Variants in GRID1 observed in about 807,000 individuals in gnomAD.
GRID1 encodes glutamate receptor ionotropic, delta-1.
In GRID1, 28 loss-of-function variants were observed where a neutral mutation model predicts 98.0. The observed-to-expected ratio is 0.29, with a 90% confidence interval of 0.21 to 0.39. The LOEUF (loss-of-function observed/expected upper bound fraction) is 0.39, where lower values mean the gene tolerates loss of function less well. Among genes scored for constraint, GRID1 ranks in the 10% least tolerant of loss-of-function variants. The pLI, the probability that GRID1 is intolerant of heterozygous loss-of-function variation, is 1.00. For missense variants in GRID1, 1,111 were observed against 1,340.5 expected, an observed-to-expected ratio of 0.83 and a Z score of 2.67; for synonymous variants, 553 against 538.5, an observed-to-expected ratio of 1.03 and a Z score of -0.37.
chr10:86,335,649 A>G (rs772772845), intron 2 of GRID1, among the ~76,000 whole-genome samples: 1 of 152,108 alleles, frequency 6.6e-6, no homozygotes, highest in East Asian at 1.9e-4. Flanking sequence ...GAAGAAACAC[A>G]CTCATGAGGT....
chr10:85,766,946 G>T (rs1301079935), intron 8 of GRID1, among the ~76,000 whole-genome samples: 1 of 152,044 alleles, frequency 6.6e-6, no homozygotes, highest in African/African-American at 2.4e-5. Context: ...GCCTGGATCT[G>T]CCCTGCCTGT....
chr10:85,737,246 C>G (rs1841891988), intron 8 of GRID1, among the ~76,000 whole-genome samples: 2 of 151,966 alleles, frequency 1.3e-5, no homozygotes, highest in African/African-American at 4.8e-5. Flanking sequence ...GTCCAGAGGA[C>G]AGAGCTGTAA....
chr10:86,075,406 A>G (rs1252180865), intron 4 of GRID1, among the ~76,000 whole-genome samples: 1 of 150,622 alleles, frequency 6.6e-6, no homozygotes, highest in Non-Finnish European at 1.5e-5. Context: ...GCCACAAGCC[A>G]AGGAAGGCCA....
intron 2 of GRID1, among the ~76,000 whole-genome samples, chr10:86,220,385 T>C (rs1279976885): frequency 6.6e-6 from 1 of 152,192 alleles, no homozygotes; most frequent in African/African-American, 2.4e-5. Flanking sequence ...ACCTGCTCCA[T>C]GCCCTACCCT....
chr10:85,790,715 C>T (rs1193446890), intron 8 of GRID1, among the ~76,000 whole-genome samples: 1 of 152,182 alleles, frequency 6.6e-6, no homozygotes, highest in Non-Finnish European at 1.5e-5. Flanking sequence ...TGAGAATGGT[C>T]ACCTCCCTGC....
Position 85,961,470 on chromosome 10 carries a change from G to A in GRID1, c.727-45231C>T, listed in dbSNP as rs1000552543. Among the ~76,000 whole-genome samples, 9 of 152,202 alleles carry A rather than the reference G, an allele frequency of 5.9e-5. No homozygotes were observed. In the East Asian group the frequency reaches 1.7e-3, roughly 29 times the overall value. ...TGAGGCAAACGAAATCAACTGGCTT[G>A]TGTCCAAAGACCTCAGGACCCACCA... On this transcript the variant is annotated intron_variant, in intron 4 of 15. Transcript: ENST00000327946.
chr10:85,943,397 G>C (rs1842018858), intron 4 of GRID1, among the ~76,000 whole-genome samples: 1 of 151,606 alleles, frequency 6.6e-6, no homozygotes, highest in African/African-American at 2.4e-5. Context: ...ATACTGGGAG[G>C]GAAAAAAATA....
chr10:86,014,743 C>T (rs1291821094), intron 4 of GRID1, among the ~76,000 whole-genome samples: 1 of 152,224 alleles, frequency 6.6e-6, no homozygotes, highest in Non-Finnish European at 1.5e-5. Context: ...TTAAAAGGAG[C>T]AAGTTTTCAG....
At chr10:85,644,863 T>C (rs896078915) in intron 13 of GRID1, among the ~76,000 whole-genome samples, 2 of 152,230 alleles carry the variant, frequency 1.3e-5, no homozygotes, top group South Asian at 4.1e-4. Flanking sequence ...TGTAAAATGA[T>C]ATAATCTTTA....
At chr10:85,869,677 T>A (rs530850421) in intron 5 of GRID1, among the ~76,000 whole-genome samples, 4 of 152,344 alleles carry the variant, frequency 2.6e-5, no homozygotes, top group African/African-American at 9.6e-5. Context: ...TTATTCACTA[T>A]TCATTCCACA....
At chr10:86,354,280 G>A (rs541222281) in intron 2 of GRID1, among the ~76,000 whole-genome samples, 7 of 152,382 alleles carry the variant, frequency 4.6e-5, no homozygotes, top group African/African-American at 7.2e-5. Flanking sequence ...GTCTCAGCCC[G>A]GACCTGGGGG....
chr10:85,740,991 T>C (rs1038546562), intron 8 of GRID1, among the ~76,000 whole-genome samples: 3 of 152,106 alleles, frequency 2.0e-5, no homozygotes, highest in Non-Finnish European at 1.5e-5. Flanking sequence ...TGACCCCAGG[T>C]GATCCACCCA....
At chr10:85,704,035 T>C (rs1460985546) in intron 12 of GRID1, among the ~76,000 whole-genome samples, 1 of 152,148 alleles carries the variant, frequency 6.6e-6, no homozygotes, top group Non-Finnish European at 1.5e-5. Context: ...AATTATTTTC[T>C]TTAAGAATGT....
At chr10:86,294,787 G>T (rs945822922) in intron 2 of GRID1, among the ~76,000 whole-genome samples, 3 of 152,222 alleles carry the variant, frequency 2.0e-5, no homozygotes, top group Non-Finnish European at 4.4e-5. Context: ...GAGACGGTCA[G>T]AAGTCATCAA....
intron 2 of GRID1, among the ~76,000 whole-genome samples, chr10:86,284,917 G>A (rs1447799446): frequency 1.3e-5 from 2 of 152,168 alleles, no homozygotes; most frequent in African/African-American, 4.8e-5. Context: ...GAGTGGTTCA[G>A]GACAGCCTTG....
chr10:86,103,636 A>T (rs1162230608), intron 4 of GRID1, among the ~76,000 whole-genome samples: 1 of 152,210 alleles, frequency 6.6e-6, no homozygotes, highest in African/African-American at 2.4e-5. Context: ...GGGGACAGGA[A>T]CAGGCTCCCC....
At position 86,073,636 on chromosome 10, in the gene GRID1, A is replaced by G. The variant is rs1156455955; in HGVS notation, c.726+65183T>C. On this transcript the variant is annotated intron_variant, in intron 4 of 15. Transcript: ENST00000327946. ...CATGCACACCTGTCTTCCAGGGACA[A>G]CTAAGGGCACTCTCAAGCTCCATTG... Among the ~76,000 whole-genome samples, 3 of 152,328 alleles carry G rather than the reference A, an allele frequency of 2.0e-5. No individual in the cohort carries two copies. The South Asian group carries it at 6.2e-4, about 32-fold the overall frequency.
At chr10:86,286,467 G>A (rs1847433374) in intron 2 of GRID1, among the ~76,000 whole-genome samples, 1 of 152,178 alleles carries the variant, frequency 6.6e-6, no homozygotes, top group African/African-American at 2.4e-5. Context: ...TAGGTTTGGG[G>A]GAACCACCAT....
intron 5 of GRID1, among the ~76,000 whole-genome samples, chr10:85,892,531 T>C (rs1003512551): frequency 4.6e-5 from 7 of 151,518 alleles, no homozygotes; most frequent in African/African-American, 1.5e-4. Context: ...CCGTGATACA[T>C]CTTTTAAGTA....
Sources: allele counts gnomAD v4.1 joint callset (sites outside exome capture counted in the v4.1 genomes callset), GRCh38; gene constraint gnomAD v4.1.1; transcripts MANE v1.5; gene names NCBI Gene and HGNC (gene_info 2026-07-23, HGNC 2026-07-21).